Variants in PCDH15 observed in about 807,000 individuals in gnomAD.
The protein encoded by PCDH15 is protocadherin related 15.
A neutral mutation model predicts 178.5 loss-of-function variants in PCDH15; 129 were observed. The observed-to-expected ratio is 0.72, with a 90% CI of 0.63 to 0.84. The LOEUF is 0.84. PCDH15 is among the 40% of genes least tolerant of loss of function. PCDH15 has a pLI of 0.00. For synonymous variants in PCDH15, 800 were observed against 732.0 expected, an observed-to-expected ratio of 1.09 and a Z score of -1.50; for missense variants, 2,230 against 2,099.9, an observed-to-expected ratio of 1.06 and a Z score of -1.21.
intron 1 of PCDH15, among the ~76,000 whole-genome samples, chr10:54,776,584 G>T (rs540816107): frequency 6.6e-6 from 1 of 152,160 alleles, no homozygotes; most frequent in African/African-American, 2.4e-5. Flanking sequence ...TGGAGGAAAA[G>T]AACATATTTA....
intron 15 of PCDH15, among the ~76,000 whole-genome samples, chr10:54,099,888 A>G (rs1449527203): frequency 6.6e-6 from 1 of 152,162 alleles, no homozygotes; most frequent in East Asian, 1.9e-4. Flanking sequence ...AAGATTAAGA[A>G]CCTAGTCTTA....
Position 54,070,221 on chromosome 10 carries a change from T to G in PCDH15, c.2092-3336A>C, listed in dbSNP as rs374129821. Reference sequence around the variant, plus strand: ...TCTGTTTTTGTTTGTTTGTTTGTTTTGAGACAAGGTATCACTCTGTCATTC... The same window carrying G: ...TCTGTTTTTGTTTGTTTGTTTGTTTGGAGACAAGGTATCACTCTGTCATTC... On this transcript the variant is annotated intron_variant, in intron 17 of 37. Transcript: ENST00000644397. Among the ~76,000 whole-genome samples, 188 of 152,348 alleles carry G rather than the reference T, an allele frequency of 1.2e-3. 5 individuals are homozygous for G. The South Asian group carries it at 0.037, about 30-fold the overall frequency.
At chr10:54,551,883 C>G (rs1012171258) in intron 2 of PCDH15, among the ~76,000 whole-genome samples, 3 of 151,948 alleles carry the variant, frequency 2.0e-5, no homozygotes, top group African/African-American at 7.2e-5. Context: ...AAATGAGAAA[C>G]TCATGTGTTT....
At chr10:54,607,502 C>T (rs1345105750) in intron 2 of PCDH15, among the ~76,000 whole-genome samples, 1 of 151,990 alleles carries the variant, frequency 6.6e-6, no homozygotes, top group Non-Finnish European at 1.5e-5. Context: ...CAGGTCCCTG[C>T]CCTCAGAGAC....
chr10:54,517,090 C>T (rs1169452621), intron 3 of PCDH15, among the ~76,000 whole-genome samples: 2 of 152,136 alleles, frequency 1.3e-5, no homozygotes, highest in African/African-American at 2.4e-5. Context: ...CAACAGGTAC[C>T]AGCCACTGCA....
In PCDH15 at chr10:55,285,654, G is replaced by A. The variant is rs575280206; in HGVS notation, c.-156+33945C>T. ...TAATTCCTATAGCTAGCACTTCTGGGTAGTGAGGTGAAATATGAAACGTAA... is the reference window on the plus strand; with the variant it reads ...TAATTCCTATAGCTAGCACTTCTGGATAGTGAGGTGAAATATGAAACGTAA... On this transcript the variant is annotated intron_variant, in intron 1 of 5. Transcript: ENST00000458638. 5.2e-3 allele frequency among the ~76,000 whole-genome samples: 791 copies of A among 151,404 alleles called. 6 individuals carry two copies. The highest frequency in any genetic ancestry group is 7.2e-3 in the Non-Finnish European group (485 of 67,716).
At chr10:54,101,805 A>AG (rs2094817261) in intron 15 of PCDH15, among the ~76,000 whole-genome samples, 1 of 151,974 alleles carries the variant, frequency 6.6e-6, no homozygotes. Flanking sequence ...ATCTATACCA[A>AG]GAAAAAAAAA....
chr10:54,330,615 T>C (rs542518833), intron 6 of PCDH15, among the ~76,000 whole-genome samples: 1 of 151,962 alleles, frequency 6.6e-6, no homozygotes, highest in East Asian at 1.9e-4. Context: ...CAACTTCTGC[T>C]CATTAGTTAA....
intron 3 of PCDH15, among the ~76,000 whole-genome samples, chr10:54,821,863 C>A (rs1182197079): frequency 6.6e-6 from 1 of 151,898 alleles, no homozygotes; most frequent in Admixed American, 6.6e-5. Flanking sequence ...CTGTTTGTTT[C>A]TTTTGGTATG....
chr10:54,050,844 C>T (rs1565126820), intron 18 of PCDH15, among the ~76,000 whole-genome samples: 1 of 152,086 alleles, frequency 6.6e-6, no homozygotes, highest in Admixed American at 6.6e-5. Context: ...TTGTAGTTCC[C>T]ATAATCCCTA....
At chr10:54,687,269 TG>T (rs2095029809) in intron 1 of PCDH15, among the ~76,000 whole-genome samples, 1 of 152,104 alleles carries the variant, frequency 6.6e-6, no homozygotes, top group East Asian at 1.9e-4. Context: ...AATTTAAAAA[TG>T]GAACTACCAT....
chr10:54,569,034 A>T lies in PCDH15; in HGVS notation c.92-41157T>A. Among the ~76,000 whole-genome samples the T allele has an allele frequency of 1.3e-5, 2 of 151,914 alleles. 1 individual carries two copies. The highest frequency in any genetic ancestry group is 1.3e-4 in the Admixed American group (2 of 15,232). On this transcript the variant is annotated intron_variant, in intron 2 of 37. Transcript: ENST00000644397. ...AATTGCTCTAATATAATTTTAAATT[A>T]TTTATTTTGGAACAATCATAATGTT... is the stretch of plus-strand genomic sequence containing the variant.
chr10:53,860,028 T>C (rs1207192464), intron 27 of PCDH15, among the ~76,000 whole-genome samples: 2 of 152,170 alleles, frequency 1.3e-5, no homozygotes, highest in East Asian at 3.9e-4. Flanking sequence ...ACTGTCCTCT[T>C]CAAATAGGAA....
chr10:54,789,018 T>C (rs1566258938), intron 1 of PCDH15, among the ~76,000 whole-genome samples: 3 of 151,842 alleles, frequency 2.0e-5, no homozygotes, highest in Admixed American at 6.6e-5. Context: ...ACTAACTACA[T>C]GGAATATGGG....
At chr10:54,485,320 A>C (rs976180388) in intron 3 of PCDH15, among the ~76,000 whole-genome samples, 6 of 151,922 alleles carry the variant, frequency 3.9e-5, no homozygotes, top group Non-Finnish European at 5.9e-5. Flanking sequence ...AAAGTGTTCC[A>C]AAATACGTCA....
At chr10:55,452,637 G>A (rs72788806) in intron 2 of PCDH15, among the ~76,000 whole-genome samples, 4,547 of 152,118 alleles carry the variant, frequency 0.03, 97 homozygotes, top group Non-Finnish European at 0.05. Context: ...TGCATTTAAT[G>A]TTTTCTTAGT....
At chr10:54,782,502 AT>A (rs1950470129) in intron 1 of PCDH15, among the ~76,000 whole-genome samples, 1 of 152,050 alleles carries the variant, frequency 6.6e-6, no homozygotes. Context: ...AACCTACCAA[AT>A]CTGTTCTTTT....
intron 3 of PCDH15, among the ~76,000 whole-genome samples, chr10:54,401,858 TA>T (rs778038897): frequency 6.6e-6 from 1 of 151,942 alleles, no homozygotes. Flanking sequence ...AACAAACTAT[TA>T]CAAAAAATAA....
chr10:54,064,666 T>C (rs2094103409), intron 18 of PCDH15, among the ~76,000 whole-genome samples: 1 of 152,170 alleles, frequency 6.6e-6, no homozygotes, highest in African/African-American at 2.4e-5. Context: ...GGCAGGGGGC[T>C]GGCATGTCAG....
Sources: allele counts gnomAD v4.1 joint callset (sites outside exome capture counted in the v4.1 genomes callset), GRCh38; gene constraint gnomAD v4.1.1; transcripts MANE v1.5; gene names NCBI Gene and HGNC (gene_info 2026-07-23, HGNC 2026-07-21).